Variants in CALN1 observed in about 807,000 individuals in gnomAD.
CALN1 encodes the protein calcium-binding protein 8.
CALN1 carries 17 observed loss-of-function variants against 30.6 expected under a neutral mutation model. That is an observed-to-expected ratio of 0.56 (90% CI 0.38 to 0.83). The LOEUF is 0.83. Among genes scored for constraint, CALN1 ranks in the 40% least tolerant of loss-of-function variants. The pLI is 0.00. For missense variants in CALN1, 291 were observed against 354.9 expected (o/e 0.82, Z 1.45); for synonymous variants, 156 against 131.4 (o/e 1.19, Z -1.28).
In CALN1 at chr7:71,868,629, C is replaced by T. The variant is rs142238535; in HGVS notation, c.502-58137G>A. Among the ~76,000 whole-genome samples, 315 of 152,122 alleles carry T rather than the reference C, an allele frequency of 2.1e-3. 2 individuals are homozygous for T. The highest frequency in any genetic ancestry group is 7.5e-3 in the African/African-American group (311 of 41,500). ...TCAGGTTATCCATCTGCCTCAGCCT[C>T]CCAGAGTGCTGGGATAAGAACTCAT... On this transcript the variant is annotated intron_variant, in intron 5 of 6. Transcript: ENST00000395275.
chr7:71,996,284 A>G (rs986139570), intron 5 of CALN1, among the ~76,000 whole-genome samples: 1 of 152,244 alleles, frequency 6.6e-6, no homozygotes, highest in African/African-American at 2.4e-5. Context: ...AAAATCACTC[A>G]TCACATCAAG....
intron 5 of CALN1, among the ~76,000 whole-genome samples, chr7:71,915,451 G>C (rs1794639548): frequency 6.6e-6 from 1 of 152,130 alleles, no homozygotes; most frequent in Admixed American, 6.6e-5. Context: ...ATACCAATCT[G>C]GGCCAGGCAC....
chr7:71,865,549 C>T (rs1261106661), intron 5 of CALN1, among the ~76,000 whole-genome samples: 2 of 152,188 alleles, frequency 1.3e-5, no homozygotes, highest in Admixed American at 1.3e-4. Flanking sequence ...TTCTCAAAGC[C>T]TTATCTGGTT....
chr7:72,053,708 A>G (rs1282540972), intron 4 of CALN1, among the ~76,000 whole-genome samples: 1 of 152,022 alleles, frequency 6.6e-6, no homozygotes, highest in Non-Finnish European at 1.5e-5. Context: ...TAAGCTTTTT[A>G]GAGATTTGTG....
chr7:72,026,956 A>G (rs1801099338), intron 4 of CALN1, among the ~76,000 whole-genome samples: 1 of 152,154 alleles, frequency 6.6e-6, no homozygotes. Context: ...TGCTCACCCC[A>G]AATCACCTCC....
intron 5 of CALN1, among the ~76,000 whole-genome samples, chr7:72,005,102 A>T (rs1235079815): frequency 6.6e-6 from 1 of 152,240 alleles, no homozygotes; most frequent in Non-Finnish European, 1.5e-5. Flanking sequence ...AAAACAAAAC[A>T]TGCAGTTATG....
chr7:72,341,497 T>C (rs1358129019), intron 2 of CALN1, among the ~76,000 whole-genome samples: 1 of 152,134 alleles, frequency 6.6e-6, no homozygotes, highest in African/African-American at 2.4e-5. Context: ...CACTCCAGTC[T>C]GGGCAACAGA....
chr7:71,916,786 C>A (rs747407534), intron 5 of CALN1, among the ~76,000 whole-genome samples: 34 of 151,930 alleles, frequency 2.2e-4, no homozygotes, highest in Non-Finnish European at 3.2e-4. Context: ...TGCACATGTA[C>A]CCTGGAACTT....
chr7:71,943,259 G>C (rs1008279661), intron 5 of CALN1, among the ~76,000 whole-genome samples: 1 of 152,064 alleles, frequency 6.6e-6, no homozygotes, highest in South Asian at 2.1e-4. Context: ...AAACACACAC[G>C]CGAAACAACA....
intron 5 of CALN1, among the ~76,000 whole-genome samples, chr7:71,827,775 A>AAAAAAAAAAAATAAAAT (rs1554347603): frequency 7.1e-6 from 1 of 140,282 alleles, no homozygotes; most frequent in African/African-American, 2.7e-5. Flanking sequence ...CCATCTTAAA[A>AAAAAAAAAAAATAAAAT]AAATAAATAA....
intron 2 of CALN1, among the ~76,000 whole-genome samples, chr7:72,314,258 GCAGCAAGGGA>G (rs1240325755): frequency 3.3e-5 from 5 of 152,154 alleles, no homozygotes; most frequent in South Asian, 4.2e-4. Context: ...CTTTCCCAGG[GCAGCAAGGGA>G]CAGCCACTTT....
chr7:72,397,685 G>A (rs978640151), intron 2 of CALN1, among the ~76,000 whole-genome samples: 3 of 143,994 alleles, frequency 2.1e-5, no homozygotes, highest in Non-Finnish European at 4.6e-5. Flanking sequence ...TGCTCCTCTT[G>A]GGGGATCTTG....
chr7:72,453,104 C>A, the CALN1 span, among the ~76,000 whole-genome samples: 1 of 152,224 alleles, frequency 6.6e-6, no homozygotes, highest in African/African-American at 2.4e-5. Flanking sequence ...TCACATCTTA[C>A]TTTTCTTTCC....
chr7:72,124,832 A>T (rs1808630837), intron 3 of CALN1, among the ~76,000 whole-genome samples: 1 of 152,164 alleles, frequency 6.6e-6, no homozygotes, highest in Non-Finnish European at 1.5e-5. Context: ...TTGATATGTG[A>T]AAAGTTTTAC....
intron 2 of CALN1, among the ~76,000 whole-genome samples, chr7:72,397,748 A>ACACACACACACACC (rs1316537371): frequency 6.7e-6 from 1 of 149,088 alleles, no homozygotes; most frequent in East Asian, 2.0e-4. Flanking sequence ...ACACACACAC[A>ACACACACACACACC]CACCTTGCTC....
chr7:72,378,646 C>T (rs2129560690), intron 2 of CALN1, among the ~76,000 whole-genome samples: 1 of 151,712 alleles, frequency 6.6e-6, no homozygotes, highest in East Asian at 1.9e-4. Context: ...ACCTTAGAAT[C>T]TCCATTAGGT....
At chr7:72,154,130 G>A (rs1374341613) in intron 3 of CALN1, among the ~76,000 whole-genome samples, 1 of 151,894 alleles carries the variant, frequency 6.6e-6, no homozygotes, top group African/African-American at 2.4e-5. Context: ...CAGAAGGCTG[G>A]GATTGGGAAA....
chr7:72,355,124 TC>T (rs1407636483), intron 2 of CALN1, among the ~76,000 whole-genome samples: 1 of 151,936 alleles, frequency 6.6e-6, no homozygotes, highest in African/African-American at 2.4e-5. Flanking sequence ...CCCAGGCTGG[TC>T]TCAAACTCCC....
intron 3 of CALN1, among the ~76,000 whole-genome samples, chr7:72,200,646 C>T (rs1052971766): frequency 7.2e-5 from 11 of 151,798 alleles, no homozygotes; most frequent in Non-Finnish European, 4.4e-5. Context: ...CATGCTATGC[C>T]CCTGGGGGAT....
Sources: gnomAD v4.1 joint callset for allele counts (sites outside exome capture counted in the v4.1 genomes callset) on GRCh38, gnomAD v4.1.1 for gene constraint, MANE v1.5 for transcripts, NCBI Gene and HGNC (gene_info 2026-07-23, HGNC 2026-07-21) for gene names.